SLC5A10: variants seen among roughly 807,000 people sequenced by gnomAD.
SLC5A10 encodes the protein sodium/mannose cotransporter SLC5A10.
A neutral mutation model predicts 68.9 loss-of-function variants in SLC5A10; 55 were observed. That is an observed-to-expected ratio of 0.80 (90% CI 0.64 to 1.00). The LOEUF is 1.00. Ranked by LOEUF, SLC5A10 falls within the 50% of genes least tolerant of loss-of-function variation. SLC5A10 has a pLI of 0.00. For synonymous variants in SLC5A10, 344 were observed against 344.8 expected, an observed-to-expected ratio of 1.00 and a Z score of 0.02; for missense variants, 732 against 819.3, an observed-to-expected ratio of 0.89 and a Z score of 1.30.
chr17:18,978,953 C>A, intron 9 of SLC5A10: 1 of 1,341,278 alleles, frequency 7.5e-7, no homozygotes. Context: ...GGCCACAGGG[C>A]CCTGGGATCA....
At position 19,018,008 on chromosome 17, in the gene SLC5A10, T is replaced by C. The variant is rs1447631067; in HGVS notation, c.1242-1415T>C. 6.6e-6 allele frequency: 1 copy of C among 152,378 alleles called. No homozygotes were observed. Among genetic ancestry groups the C allele is most frequent in the Non-Finnish European group, 1.5e-5 (1 of 68,356 alleles). 9.4% of individuals were successfully genotyped at this position (152,378 alleles called of 1,614,324 possible). On this transcript the variant is annotated intron_variant, in intron 11 of 14. Transcript: ENST00000395645. This position sits in a 1 kb window ranked among gnomAD's most constrained non-coding sequence, Gnocchi z 4.2. ...GGAGAGCTGTGTGCAGAGGGCGGGG[T>C]GGGCAGGCGTTAATGGAGGCCCGCC...
chr17:18,987,944 G>C (rs572292076), intron 9 of SLC5A10, among the ~76,000 whole-genome samples: 1 of 152,240 alleles, frequency 6.6e-6, no homozygotes, highest in African/African-American at 2.4e-5. Context: ...ACAGATAACC[G>C]ATGTGGCATG....
chr17:18,986,825 G>T (rs1425218598), intron 9 of SLC5A10, among the ~76,000 whole-genome samples: 2 of 152,246 alleles, frequency 1.3e-5, no homozygotes, highest in African/African-American at 2.4e-5. Flanking sequence ...CTCTTCCTGG[G>T]CATCGGGCAG....
intron 9 of SLC5A10, among the ~76,000 whole-genome samples, chr17:18,990,012 T>TTC (rs950759748): frequency 6.6e-6 from 1 of 152,108 alleles, no homozygotes; most frequent in Admixed American, 6.5e-5. Context: ...AGGCCTAGGG[T>TTC]TCTCTCTGTT....
chr17:18,957,954 C>CTTTTCATATAA (rs2042537435), intron 1 of SLC5A10, among the ~76,000 whole-genome samples: 1 of 152,214 alleles, frequency 6.6e-6, no homozygotes. Flanking sequence ...CTGTTCTGGA[C>CTTTTCATATAA]TTTTCATATA....
At chr17:18,977,960 C>T (rs769892325) in intron 9 of SLC5A10, 2 of 1,598,540 alleles carry the variant, frequency 1.3e-6, no homozygotes, top group South Asian at 2.2e-5. Flanking sequence ...GAGCCCCACC[C>T]CGAGGCTCTC....
chr17:19,012,659 A>G (rs1424415117), intron 9 of SLC5A10, among the ~76,000 whole-genome samples: 1 of 151,644 alleles, frequency 6.6e-6, no homozygotes. Flanking sequence ...GGGAGCGAGG[A>G]GGGACTTGTG....
intron 9 of SLC5A10, among the ~76,000 whole-genome samples, chr17:18,999,476 G>A (rs2043668935): frequency 1.3e-5 from 2 of 152,074 alleles, no homozygotes; most frequent in African/African-American, 4.8e-5. Context: ...TGTGACCTCA[G>A]GCCAGTTATT....
Position 19,004,898 on chromosome 17 carries a change from C to T in SLC5A10, c.983-8512C>T, listed in dbSNP as rs1330322661. 2.0e-5 allele frequency: 3 copies of T among 152,188 alleles called. No individual in the cohort carries two copies. Among genetic ancestry groups the T allele is most frequent in the African/African-American group, 7.2e-5 (3 of 41,456 alleles). 9.4% of individuals were successfully genotyped at this position (152,188 alleles called of 1,614,324 possible). ...CAGACAGACAGACCTGGGGCGGACGCACTGCCCACGGTCCCCTGGTGCCCG... is the reference window on the plus strand; with the variant it reads ...CAGACAGACAGACCTGGGGCGGACGTACTGCCCACGGTCCCCTGGTGCCCG... On this transcript the variant is annotated intron_variant, in intron 9 of 14. Coordinates refer to ENST00000395645, the MANE Select transcript of SLC5A10 (RefSeq NM_001042450.4). This position sits in a 1 kb window ranked among gnomAD's most constrained non-coding sequence, Gnocchi z 5.4.
rs2044270155 is a variant in SLC5A10, at chr17:19,021,909, A to T, written c.*1478A>T. 6.9e-7 allele frequency: 1 copy of T among 1,442,126 alleles called. No homozygotes were observed. 89.3% of individuals were successfully genotyped at this position (1,442,126 alleles called of 1,614,324 possible). A position where few individuals can be genotyped will look rare whatever the true frequency, so the allele number is the denominator to read the frequency against. On this transcript the variant is annotated 3_prime_UTR_variant, in exon 15 of 15. Transcript: ENST00000395645. The surrounding 1 kb of genome is among the most constrained non-coding windows in gnomAD (Gnocchi z 4.1). ...CTGGGGGTGTCCATGTCCTCTCTGG[A>T]CCTCAGTTCCTGTAAAAAGGCCCGT...
chr17:18,951,471 T>C (rs950364718), upstream of SLC5A10, among the ~76,000 whole-genome samples: 6 of 152,274 alleles, frequency 3.9e-5, no homozygotes. Flanking sequence ...AATGGGATCA[T>C]GTGCAGAACA....
rs1444665384 is a variant in SLC5A10, at chr17:18,978,203, G to C, written c.982+1214G>C. 3 of 1,559,996 alleles carry C rather than the reference G, an allele frequency of 1.9e-6. No homozygotes were observed. The highest frequency in any genetic ancestry group is 2.6e-6 in the Non-Finnish European group (3 of 1,153,548). On this transcript the variant is annotated intron_variant, in intron 9 of 14. Transcript: ENST00000395645. ...CCCCTGGGGGAGGCCGTTCTCAGCT[G>C]GGACACCGTCCTGGGGGGCACTGGG...
chr17:18,977,493 G>A (rs960407608), intron 9 of SLC5A10: 2 of 1,275,254 alleles, frequency 1.6e-6, no homozygotes, highest in East Asian at 2.3e-5. Flanking sequence ...CAGAGTCAGG[G>A]ACATGGTAGC....
Position 19,003,546 on chromosome 17 carries a change from G to A in SLC5A10, c.983-9864G>A. The A allele has an allele frequency of 6.4e-7, 1 of 1,550,720 alleles. No individual in the cohort carries two copies. Among genetic ancestry groups the A allele is most frequent in the Non-Finnish European group, 8.7e-7 (1 of 1,148,150 alleles). ...TTCTGTGCCTGGCTGATCATCTTCCGCACCACCTCTTTGATGTGGGCCTGC... is the reference window on the plus strand; with the variant it reads ...TTCTGTGCCTGGCTGATCATCTTCCACACCACCTCTTTGATGTGGGCCTGC... On this transcript the variant is annotated intron_variant, in intron 9 of 14. Coordinates refer to ENST00000395645, the MANE Select transcript of SLC5A10 (RefSeq NM_001042450.4). The surrounding 1 kb of genome is among the most constrained non-coding windows in gnomAD (Gnocchi z 4.5).
At chr17:18,978,954 C>T in intron 9 of SLC5A10, 1 of 1,333,686 alleles carries the variant, frequency 7.5e-7, no homozygotes, top group South Asian at 1.4e-5. Context: ...GCCACAGGGC[C>T]CTGGGATCAA....
At position 19,018,572 on chromosome 17, in the gene SLC5A10, A is replaced by G. The variant is rs1001281789; in HGVS notation, c.1242-851A>G. 6.6e-6 allele frequency: 1 copy of G among 152,262 alleles called. No homozygotes were observed. The highest frequency in any genetic ancestry group is 1.5e-5 in the Non-Finnish European group (1 of 68,058). The allele number at this position is 152,262 out of a possible 1,614,324, so 9.4% of individuals were successfully genotyped here. A position where few individuals can be genotyped will look rare whatever the true frequency, so the allele number is the denominator to read the frequency against. On this transcript the variant is annotated intron_variant, in intron 11 of 14. Transcript: ENST00000395645. The surrounding 1 kb of genome is among the most constrained non-coding windows in gnomAD (Gnocchi z 4.2). ...AGTGTCCTACGCAGGTGAGCACCTC[A>G]CCAGTGGTTTGTTGGATGAACAAGT...
At chr17:18,952,015 AC>A (rs896352940), upstream of SLC5A10, 4 of 878,862 alleles carry the variant, frequency 4.6e-6, no homozygotes, top group African/African-American at 6.9e-5. Context: ...TGGGATCTGC[AC>A]CCCACCATGG....
At chr17:18,995,477 C>T (rs2043542386) in intron 9 of SLC5A10, among the ~76,000 whole-genome samples, 1 of 152,158 alleles carries the variant, frequency 6.6e-6, no homozygotes, top group Non-Finnish European at 1.5e-5. Flanking sequence ...CATCAGCAAA[C>T]TGTGGGTCAA....
chr17:19,001,109 TGA>T (rs1425815510), intron 9 of SLC5A10, among the ~76,000 whole-genome samples: 1 of 152,082 alleles, frequency 6.6e-6, no homozygotes, highest in Non-Finnish European at 1.5e-5. Flanking sequence ...ATCTGAAAAA[TGA>T]GACAGATAAC....
Sources: gnomAD v4.1 joint callset for allele counts (sites outside exome capture counted in the v4.1 genomes callset) on GRCh38, gnomAD v4.1.1 for gene constraint, Gnocchi (gnomAD v3.1) non-coding constraint, MANE v1.5 for transcripts, NCBI Gene and HGNC (gene_info 2026-07-23, HGNC 2026-07-21) for gene names.